Variants in ENO1 observed in about 807,000 individuals in gnomAD.
ENO1 encodes alpha-enolase.
ENO1 carries 33 observed loss-of-function variants against 46.3 expected under a neutral mutation model. The ratio of observed to expected loss-of-function variants is 0.71; its 90% confidence interval spans 0.54 to 0.95. The LOEUF (loss-of-function observed/expected upper bound fraction) is 0.95, where lower values mean the gene tolerates loss of function less well. Ranked by LOEUF, ENO1 falls within the 40% of genes least tolerant of loss-of-function variation. The pLI is 0.00. For missense variants in ENO1, 488 were observed against 553.3 expected (o/e 0.88, Z 1.18); for synonymous variants, 220 against 216.0 (o/e 1.02, Z -0.16).
intron 1 of ENO1, chr1:8,877,973 T>TG (rs1279846678): frequency 6.6e-6 from 1 of 152,366 alleles, no homozygotes; most frequent in Non-Finnish European, 1.5e-5. Context: ...CTGGAGGACT[T>TG]GCCAATGATC....
intron 3 of ENO1, chr1:8,871,189 G>C: frequency 9.3e-7 from 1 of 1,075,068 alleles, no homozygotes; most frequent in Non-Finnish European, 1.1e-6. Context: ...CCACCACTGC[G>C]ACACCAGCCC....
chr1:8,862,745 A>G, intron 11 of ENO1, 142 bp downstream of exon 11: 4 of 918,272 alleles, frequency 4.4e-6, no homozygotes, highest in Non-Finnish European at 6.5e-6. Flanking sequence ...AAGCCTGCTC[A>G]GGGCCTGGCT....
At position 8,871,903 on chromosome 1, in the gene ENO1, A is replaced by G. The variant is rs1174890406; in HGVS notation, c.169T>C (p.Tyr57His). 2 of 1,613,910 alleles carry G rather than the reference A, an allele frequency of 1.2e-6. No individual in the cohort carries two copies. Among genetic ancestry groups the G allele is most frequent in the African/African-American group, 1.3e-5 (1 of 74,922 alleles). The change falls in exon 3 of 12, where the codon TAT becomes CAT. Residue 57 changes from tyrosine to histidine, a missense_variant. Tyr to His is a moderately conservative substitution (Grantham distance 83, BLOSUM62 2). Transcript: ENST00000234590. Reference sequence around the variant, plus strand: ...TTCTAAGGCTTACCCTTCCCCATATAGCGAGTCTTATCATTGTCCCGGAGC... The same window carrying G: ...TTCTAAGGCTTACCCTTCCCCATATGGCGAGTCTTATCATTGTCCCGGAGC... ...LELRDNDKTR[Y>H]MGKGVSKAVE... is the part of the protein sequence containing the mutation.
chr1:8,877,066 T>C (rs939482735), intron 1 of ENO1, among the ~76,000 whole-genome samples: 1 of 151,764 alleles, frequency 6.6e-6, no homozygotes, highest in African/African-American at 2.4e-5. Context: ...CTCGACTCAC[T>C]GCAGGCTCCG....
At chr1:8,873,211 C>T (rs1321996240) in intron 2 of ENO1, among the ~76,000 whole-genome samples, 3 of 152,142 alleles carry the variant, frequency 2.0e-5, no homozygotes, top group African/African-American at 7.2e-5. Context: ...GTTGACCACT[C>T]TAGTGGGGAT....
At chr1:8,878,322 G>A (rs371755059) in intron 1 of ENO1, 1 of 282,228 alleles carries the variant, frequency 3.5e-6, no homozygotes. Flanking sequence ...CCCGCAGTCG[G>A]TAATCACGTG....
Position 8,861,253 on chromosome 1 carries a change from C to A in ENO1, c.*107G>T. ...TCCACGGCGGTGGGGCGCTAACTAGCAGGGACCCCTGCAAGTGTTGGTCGG... is the reference window on the plus strand; with the variant it reads ...TCCACGGCGGTGGGGCGCTAACTAGAAGGGACCCCTGCAAGTGTTGGTCGG... On this transcript the variant is annotated 3_prime_UTR_variant, in exon 12 of 12. Transcript: ENST00000234590. The A allele has an allele frequency of 1.7e-6, 2 of 1,190,908 alleles. No individual in the cohort carries two copies. Among genetic ancestry groups the A allele is most frequent in the Non-Finnish European group, 2.5e-6 (2 of 813,100 alleles). The allele number at this position is 1,190,908 out of a possible 1,614,324, so 73.8% of individuals were successfully genotyped here.
rs1006859178 is a variant in ENO1, at chr1:8,861,233, G to A, written c.*127C>T. 27 of 930,546 alleles carry A rather than the reference G, an allele frequency of 2.9e-5. No homozygotes were observed. The Middle Eastern group carries it at 1.0e-3, about 35-fold the overall frequency. 57.6% of individuals were successfully genotyped at this position (930,546 alleles called of 1,614,324 possible). A position where few individuals can be genotyped will look rare whatever the true frequency, so the allele number is the denominator to read the frequency against. ...TCTAAGGAAGCGGTACGAACTCCACGGCGGTGGGGCGCTAACTAGCAGGGA... is the reference window on the plus strand; with the variant it reads ...TCTAAGGAAGCGGTACGAACTCCACAGCGGTGGGGCGCTAACTAGCAGGGA... On this transcript the variant is annotated 3_prime_UTR_variant, in exon 12 of 12. Transcript: ENST00000234590.
intron 3 of ENO1, chr1:8,871,408 A>G (rs1642630520): frequency 4.0e-6 from 4 of 995,926 alleles, no homozygotes; most frequent in Middle Eastern, 5.1e-4. Flanking sequence ...CAGGGCTCCT[A>G]TGAGTCAGTC....
At chr1:8,877,874 C>T (rs1348479424) in intron 1 of ENO1, 1 of 72,580 alleles carries the variant, frequency 1.4e-5, no homozygotes, top group South Asian at 4.4e-4. Context: ...AATAGCAAAA[C>T]TCAAAAAAAA....
intron 4 of ENO1, chr1:8,870,144 C>T: frequency 2.5e-6 from 1 of 398,858 alleles, no homozygotes; most frequent in Non-Finnish European, 4.6e-6. Flanking sequence ...ACCACAAACA[C>T]CCCTGAGAGC....
chr1:8,868,198 G>T (rs1209001896), intron 4 of ENO1, 141 bp from the exon 5 acceptor site: 1 of 721,240 alleles, frequency 1.4e-6, no homozygotes, highest in Admixed American at 2.6e-5. Flanking sequence ...AAAAAAAGTG[G>T]AGGACAAAAA....
At position 8,863,331 on chromosome 1, in the gene ENO1, G is replaced by T; in HGVS notation, c.1080C>A (p.Ala360=). The T allele has an allele frequency of 6.2e-7, 1 of 1,613,202 alleles. No individual in the cohort carries two copies. The highest frequency in any genetic ancestry group is 1.1e-5 in the South Asian group (1 of 90,976). Residue 360 remains alanine (A), a synonymous_variant, in exon 10 of 12, where the codon GCC becomes GCA. Transcript: ENST00000234590. ...VTESLQACKL[A]QANGWGVMVS... is the part of the protein sequence containing the mutation. ...CCATGACGCCCCAACCATTGGCCTG[G>T]GCCAGCTTGCACCTGGAAGCCAAGG...
intron 6 of ENO1, chr1:8,866,734 T>C (rs547108731): frequency 1.7e-6 from 1 of 595,450 alleles, no homozygotes; most frequent in South Asian, 2.1e-5. Flanking sequence ...CTCAAACTCT[T>C]GGGTTTAAGT....
intron 3 of ENO1, 106 bp from the exon 4 acceptor site, chr1:8,870,616 G>A (rs1479069379): frequency 1.9e-6 from 3 of 1,556,170 alleles, no homozygotes; most frequent in East Asian, 2.3e-5. Flanking sequence ...GCCCACCAAG[G>A]GACCTTCTGT....
intron 7 of ENO1, among the ~76,000 whole-genome samples, chr1:8,865,839 C>T (rs1464322916): frequency 1.4e-4 from 21 of 151,314 alleles, no homozygotes; most frequent in East Asian, 1.9e-4. Context: ...GAAGCGGGGT[C>T]CAAGAGAAAG....
intron 9 of ENO1, among the ~76,000 whole-genome samples, chr1:8,863,644 G>A (rs925537462): frequency 6.6e-6 from 1 of 152,216 alleles, no homozygotes; most frequent in Non-Finnish European, 1.5e-5. Context: ...TACTTGCTAT[G>A]TTGCCCAGGC....
At chr1:8,873,831 C>G (rs1031106030) in intron 2 of ENO1, 2 of 152,298 alleles carry the variant, frequency 1.3e-5, no homozygotes, top group African/African-American at 4.8e-5. Context: ...CTGAGTGATT[C>G]TGCCTGAAGC....
chr1:8,868,114 G>C (rs1642561995), intron 4 of ENO1, 57 bp from the exon 5 acceptor site: 13 of 1,256,948 alleles, frequency 1.0e-5, no homozygotes, highest in Non-Finnish European at 1.5e-5. Flanking sequence ...CATAGCCTTT[G>C]CTCCCCTACC....
Sources: allele counts gnomAD v4.1 joint callset (sites outside exome capture counted in the v4.1 genomes callset), GRCh38; gene constraint gnomAD v4.1.1; transcripts MANE v1.5; gene names NCBI Gene and HGNC (gene_info 2026-07-23, HGNC 2026-07-21).